DDIAS: variants seen among roughly 807,000 people sequenced by gnomAD.
DDIAS encodes the protein DNA damage-induced apoptosis suppressor protein.
In DDIAS, 14 loss-of-function variants were observed where a neutral mutation model predicts 15.7. That is an observed-to-expected ratio of 0.89 (90% confidence interval 0.59 to 1.39). The LOEUF (loss-of-function observed/expected upper bound fraction) is 1.39. Among genes scored for constraint, DDIAS ranks in the 40% most tolerant of loss-of-function variants. The probability of loss-of-function intolerance (pLI) is 0.00; values close to 1 mark genes in which losing one functional copy is unlikely to be tolerated. For synonymous variants in DDIAS, 355 were observed against 395.9 expected (o/e 0.90, Z 1.23); for missense variants, 1,035 against 1,130.9 (o/e 0.92, Z 1.22).
intron 3 of DDIAS, among the ~76,000 whole-genome samples, chr11:82,916,164 A>T (rs1487090305): frequency 6.6e-6 from 1 of 152,156 alleles, no homozygotes; most frequent in South Asian, 2.1e-4. Flanking sequence ...CTGTGAGTCT[A>T]ATTACTCATT....
In DDIAS at chr11:82,914,833, T is replaced by C; in HGVS notation, c.95T>C (p.Ile32Thr). The change falls in exon 3 of 6, where the codon ATA becomes ACA. Residue 32 changes from isoleucine to threonine, a missense_variant. Transcript: ENST00000533655. The part of the protein sequence containing the change: ...YPSCQKCFSR[I>T]ILVSKRSNCP... Reference sequence around the variant, plus strand: ...TCATGTCAGAAGTGCTTCTCTAGGATAATCCTGGTCTCCAAAAGGTAAAAG... The same window carrying C: ...TCATGTCAGAAGTGCTTCTCTAGGACAATCCTGGTCTCCAAAAGGTAAAAG... 6.3e-7 allele frequency: 1 copy of C among 1,588,096 alleles called. No homozygotes were observed. Among genetic ancestry groups the C allele is most frequent in the Non-Finnish European group, 8.6e-7 (1 of 1,157,870 alleles).
intron 2 of DDIAS, 160 bp from the exon 3 acceptor site, chr11:82,914,563 A>G (rs1457526867): frequency 4.0e-6 from 2 of 495,420 alleles, no homozygotes; most frequent in Admixed American, 7.9e-5. Context: ...AAGGAGAAAA[A>G]GAATTAATTT....
chr11:82,932,980 G>T lies in DDIAS; in HGVS notation c.1642G>T (p.Asp548Tyr), dbSNP rs1343274119. The T allele has an allele frequency of 6.2e-7, 1 of 1,612,026 alleles. No individual in the cohort carries two copies. Among genetic ancestry groups the T allele is most frequent in the Non-Finnish European group, 8.5e-7 (1 of 1,179,636 alleles). The change falls in exon 6 of 6, where the codon GAT becomes TAT. Residue 548 changes from aspartate (D) to tyrosine (Y), a missense_variant. Coordinates refer to ENST00000533655, the MANE Select transcript of DDIAS (RefSeq NM_145018.4). ...GTCAGCTCTGTCTTCATCTTCAAAA[G>T]ATTTAGAAACAATAGTTACTCTTAA... ...YLSALSSSSK[D>Y]LETIVTLKKT... is the part of the protein sequence containing the mutation.
At chr11:82,914,268 AGT>A (rs1433501407) in intron 2 of DDIAS, 1 of 174,956 alleles carries the variant, frequency 5.7e-6, no homozygotes, top group Non-Finnish European at 1.1e-5. Context: ...CATGAAACAA[AGT>A]TTGTGTTAAG....
chr11:82,926,087 A>ATTTT (rs1423944371), intron 3 of DDIAS, among the ~76,000 whole-genome samples: 1 of 100,384 alleles, frequency 1.0e-5, no homozygotes, highest in South Asian at 3.2e-4. Flanking sequence ...TTTGGCAAGT[A>ATTTT]ATTTTTTTTT....
At position 82,932,205 on chromosome 11, in the gene DDIAS, T is replaced by A. The variant is rs1353659494; in HGVS notation, c.867T>A (p.His289Gln). ...IAEATGSSSC[H>Q]DPIQDSWSLV... ...AGGCCACTGGTTCCAGTAGCTGCCA[T>A]GATCCCATTCAGGATTCATGGAGCC... The change falls in exon 6 of 6, where the codon CAT becomes CAA. Residue 289 changes from histidine to glutamine, a missense_variant. Physicochemically the swap from His to Gln is conservative, Grantham distance 24. Transcript: ENST00000533655. 1 of 1,614,130 alleles carries A rather than the reference T, an allele frequency of 6.2e-7. No individual in the cohort carries two copies.
At chr11:82,928,201 TTTTTTTTTTTTTTTTG>T (rs1329127483) in intron 3 of DDIAS, among the ~76,000 whole-genome samples, 12 of 106,860 alleles carry the variant, frequency 1.1e-4, no homozygotes, top group Admixed American at 4.0e-4. Flanking sequence ...TTTTTTTTTT[TTTTTTTTTTTTTTTTG>T]AGACGGAATG....
Position 82,933,933 on chromosome 11 carries a change from C to T in DDIAS, c.2595C>T (p.Val865=), listed in dbSNP as rs372253203. 4.3e-6 allele frequency: 7 copies of T among 1,613,132 alleles called. No homozygotes were observed. Among genetic ancestry groups the T allele is most frequent in the Non-Finnish European group, 5.9e-6 (7 of 1,179,774 alleles). The change falls in exon 6 of 6, where the codon GTC becomes GTT. Residue 865 remains valine, a synonymous_variant. Transcript: ENST00000533655. ...ATGAAACTGATAGTGATGAATGGGT[C>T]CCTCCTACCACACAAAAAATATTTC... The part of the protein sequence containing the change: ...ECHETDSDEW[V]PPTTQKIFPS...
Position 82,932,742 on chromosome 11 carries a change from T to G in DDIAS, c.1404T>G (p.Thr468=). 1 of 1,614,102 alleles carries G rather than the reference T, an allele frequency of 6.2e-7. No homozygotes were observed. Among genetic ancestry groups the G allele is most frequent in the Non-Finnish European group, 8.5e-7 (1 of 1,180,034 alleles). Residue 468 remains threonine, a synonymous_variant, in exon 6 of 6, where the codon ACT becomes ACG. Transcript: ENST00000533655. ...GGTTATCTGTGACTCCCCAGAGAAC[T>G]ACTGGAGCCCTGCATACACCACCTA... The part of the protein sequence containing the change: ...HSRLSVTPQR[T]TGALHTPPIA...
At chr11:82,915,564 C>A (rs1428710207) in intron 3 of DDIAS, among the ~76,000 whole-genome samples, 1 of 152,170 alleles carries the variant, frequency 6.6e-6, no homozygotes, top group Non-Finnish European at 1.5e-5. Flanking sequence ...TAACTCATAT[C>A]TAGACTCTAA....
At chr11:82,914,271 T>A (rs201204349) in intron 2 of DDIAS, 1 of 59,356 alleles carries the variant, frequency 1.7e-5, no homozygotes, top group Non-Finnish European at 3.2e-5. Flanking sequence ...GAAACAAAGT[T>A]TGTGTTAAGT....
At chr11:82,909,609 A>C (rs1163370736) in intron 1 of DDIAS, among the ~76,000 whole-genome samples, 2 of 152,196 alleles carry the variant, frequency 1.3e-5, no homozygotes, top group Non-Finnish European at 2.9e-5. Context: ...ATGGCAAGGA[A>C]TTTGAGGTTT....
In DDIAS at chr11:82,914,799, A is replaced by G. The variant is rs777593915; in HGVS notation, c.61A>G (p.Ile21Val). The G allele has an allele frequency of 3.7e-6, 6 of 1,611,416 alleles. No individual in the cohort carries two copies. Among genetic ancestry groups the G allele is most frequent in the Non-Finnish European group, 5.1e-6 (6 of 1,177,790 alleles). Residue 21 changes from isoleucine (I) to valine (V), a missense_variant, in exon 3 of 6, where the codon ATA becomes GTA. Ile to Val is a conservative substitution (Grantham distance 29, BLOSUM62 3). Transcript: ENST00000533655. ...SVLALQNSSF[I>V]YPSCQKCFSR... Reference sequence around the variant, plus strand: ...ACTTGCTCTCCAGAATTCAAGTTTTATATATCCATCATGTCAGAAGTGCTT... The same window carrying G: ...ACTTGCTCTCCAGAATTCAAGTTTTGTATATCCATCATGTCAGAAGTGCTT...
At chr11:82,902,545 C>G (rs1301360948) in intron 1 of DDIAS, among the ~76,000 whole-genome samples, 1 of 152,162 alleles carries the variant, frequency 6.6e-6, no homozygotes. Context: ...GGTTTAAGCC[C>G]AAACTCTTTA....
rs368903831 is a variant in DDIAS, at chr11:82,914,703, A to G, written c.-16-20A>G. The G allele has an allele frequency of 2.5e-5, 32 of 1,286,294 alleles. No individual in the cohort carries two copies. Among genetic ancestry groups the G allele is most frequent in the Middle Eastern group, 1.8e-4 (1 of 5,412 alleles). 79.7% of individuals were successfully genotyped at this position (1,286,294 alleles called of 1,614,324 possible). A position where few individuals can be genotyped will look rare whatever the true frequency, so the allele number is the denominator to read the frequency against. On this transcript the variant is annotated intron_variant, in intron 2 of 5. Transcript: ENST00000533655. ...AATGAAAGATTTGCCAGTCATCCCA[A>G]TGGCTATTTTGTTTTGCAGACCACG...
At chr11:82,913,816 A>G in intron 2 of DDIAS, 1 of 385,646 alleles carries the variant, frequency 2.6e-6, no homozygotes, top group South Asian at 1.9e-5. Flanking sequence ...TGAATTTTGG[A>G]TTTTTGAATA....
At chr11:82,924,461 A>G (rs560645294) in intron 3 of DDIAS, among the ~76,000 whole-genome samples, 61 of 152,334 alleles carry the variant, frequency 4.0e-4, no homozygotes, top group African/African-American at 1.4e-3. Flanking sequence ...AGAAAACATT[A>G]AGGATTACTT....
At chr11:82,913,936 A>C in intron 2 of DDIAS, 1 of 441,474 alleles carries the variant, frequency 2.3e-6, no homozygotes, top group Non-Finnish European at 4.5e-6. Flanking sequence ...TTTATACAAT[A>C]CTTTTTTTTT....
rs147912603 is a variant in DDIAS, at chr11:82,933,309, C to T, written c.1971C>T (p.Ile657=). Residue 657 remains isoleucine, a synonymous_variant, in exon 6 of 6, where the codon ATC becomes ATT. Coordinates refer to ENST00000533655, the MANE Select transcript of DDIAS (RefSeq NM_145018.4). ...TGAAAGAAATGCCTTGGGGACATAT[C>T]AATAACAACGTAACACAGAGCTATT... ...NTLKEMPWGH[I]NNNVTQSYSI... 1.7e-5 allele frequency: 27 copies of T among 1,613,926 alleles called. No individual in the cohort carries two copies. In the African/African-American group the frequency reaches 3.2e-4, roughly 19 times the overall value.
Sources: gnomAD v4.1 joint callset for allele counts (sites outside exome capture counted in the v4.1 genomes callset) on GRCh38, gnomAD v4.1.1 for gene constraint, MANE v1.5 for transcripts, NCBI Gene and HGNC (gene_info 2026-07-23, HGNC 2026-07-21) for gene names.